Variants in ZNF521 observed in about 807,000 individuals in gnomAD.
The protein encoded by ZNF521 is LYST-interacting protein 3.
In ZNF521, 14 loss-of-function variants were observed where a neutral mutation model predicts 105.5. That is an observed-to-expected ratio of 0.13 (90% CI 0.09 to 0.21). The LOEUF is 0.21. Among genes scored for constraint, ZNF521 ranks in the 10% least tolerant of loss-of-function variants. The pLI is 1.00. For synonymous variants in ZNF521, 635 were observed against 606.0 expected (o/e 1.05, Z -0.70); for missense variants, 1,233 against 1,629.7 (o/e 0.76, Z 4.19).
chr18:25,282,454 T>A (rs1254982232), intron 3 of ZNF521, among the ~76,000 whole-genome samples: 1 of 152,018 alleles, frequency 6.6e-6, no homozygotes, highest in African/African-American at 2.4e-5. Context: ...GCACCCGGTG[T>A]CAGAATAACA....
At chr18:25,270,417 C>A (rs1449596087) in intron 3 of ZNF521, among the ~76,000 whole-genome samples, 4 of 152,174 alleles carry the variant, frequency 2.6e-5, no homozygotes, top group African/African-American at 9.7e-5. Flanking sequence ...CTCTTCCTAA[C>A]TCATTTTATG....
At chr18:25,159,396 A>G (rs2035208479) in intron 5 of ZNF521, among the ~76,000 whole-genome samples, 1 of 152,244 alleles carries the variant, frequency 6.6e-6, no homozygotes, top group Admixed American at 6.5e-5. Flanking sequence ...TGATCTAAAG[A>G]AAGACATACA....
At chr18:25,218,557 C>A (rs982180567) in intron 4 of ZNF521, among the ~76,000 whole-genome samples, 1 of 149,594 alleles carries the variant, frequency 6.7e-6, no homozygotes, top group African/African-American at 2.5e-5. Flanking sequence ...ACTCAGGAGG[C>A]TGAGCCAGGA....
chr18:25,291,914 A>G (rs574090108), intron 3 of ZNF521, among the ~76,000 whole-genome samples: 2 of 151,880 alleles, frequency 1.3e-5, no homozygotes, highest in Non-Finnish European at 2.9e-5. Flanking sequence ...GTCATTTGGA[A>G]GTTCCAATCA....
At chr18:25,149,728 A>G (rs1442114717) in intron 5 of ZNF521, among the ~76,000 whole-genome samples, 1 of 152,208 alleles carries the variant, frequency 6.6e-6, no homozygotes, top group South Asian at 2.1e-4. Flanking sequence ...CCACAGCTAA[A>G]GTGAAGCTAT....
At chr18:25,140,475 G>C (rs2034826345) in intron 5 of ZNF521, among the ~76,000 whole-genome samples, 2 of 152,192 alleles carry the variant, frequency 1.3e-5, no homozygotes, top group Non-Finnish European at 2.9e-5. Context: ...TTTGTTAAGA[G>C]TGTCGTGGGA....
At chr18:25,253,618 G>A (rs1031573548) in intron 3 of ZNF521, among the ~76,000 whole-genome samples, 3 of 152,006 alleles carry the variant, frequency 2.0e-5, no homozygotes, top group Non-Finnish European at 2.9e-5. Context: ...GAAAAGACAT[G>A]GTTCCATTTA....
chr18:25,268,988 T>C (rs1005528504), intron 3 of ZNF521, among the ~76,000 whole-genome samples: 1 of 151,420 alleles, frequency 6.6e-6, no homozygotes, highest in South Asian at 2.1e-4. Context: ...GACTAGCAAA[T>C]TGGATAAAGA....
chr18:25,174,973 C>A (rs890336404), intron 5 of ZNF521, among the ~76,000 whole-genome samples: 5 of 152,096 alleles, frequency 3.3e-5, no homozygotes, highest in African/African-American at 1.2e-4. Flanking sequence ...TTAACATGAC[C>A]AAGGTCCAGC....
intron 5 of ZNF521, among the ~76,000 whole-genome samples, chr18:25,131,628 G>A (rs1016097962): frequency 2.0e-5 from 3 of 152,094 alleles, no homozygotes; most frequent in African/African-American, 7.2e-5. Flanking sequence ...CCACTGTGTT[G>A]CATTTGTCTT....
At chr18:25,125,044 T>C (rs2034513318) in intron 5 of ZNF521, among the ~76,000 whole-genome samples, 1 of 152,164 alleles carries the variant, frequency 6.6e-6, no homozygotes, top group African/African-American at 2.4e-5. Flanking sequence ...TTAGTTGATA[T>C]TATGTGTCTA....
chr18:25,217,951 A>C (rs1215038165), intron 4 of ZNF521, among the ~76,000 whole-genome samples: 1 of 152,220 alleles, frequency 6.6e-6, no homozygotes, highest in Non-Finnish European at 1.5e-5. Flanking sequence ...GGTGGAAGAC[A>C]GTCAAGAGGA....
chr18:25,114,380 G>A (rs4800206), intron 5 of ZNF521, among the ~76,000 whole-genome samples: 38,072 of 151,964 alleles, frequency 0.25, 5,833 homozygotes, highest in Non-Finnish European at 0.34. Flanking sequence ...TTCTTTAGAG[G>A]TCAAATTGGG....
intron 3 of ZNF521, among the ~76,000 whole-genome samples, chr18:25,237,286 A>G (rs1906964876): frequency 1.3e-5 from 2 of 152,320 alleles, no homozygotes; most frequent in African/African-American, 4.8e-5. Flanking sequence ...CTCTCATTAC[A>G]AAAGTGCTAA....
chr18:25,343,458 A>G (rs1195854086), intron 2 of ZNF521, among the ~76,000 whole-genome samples: 1 of 152,222 alleles, frequency 6.6e-6, no homozygotes, highest in African/African-American at 2.4e-5. Context: ...GTGTGTCACA[A>G]TATGTTGTGA....
At chr18:25,172,030 G>A (rs578192439) in intron 5 of ZNF521, among the ~76,000 whole-genome samples, 1 of 151,834 alleles carries the variant, frequency 6.6e-6, no homozygotes, top group South Asian at 2.1e-4. Flanking sequence ...TCTCTTTTGG[G>A]GGGGAAGAGG....
intron 3 of ZNF521, among the ~76,000 whole-genome samples, chr18:25,274,889 T>C (rs74984190): frequency 0.014 from 2,079 of 152,294 alleles, 33 homozygotes; most frequent in Admixed American, 0.039. Flanking sequence ...TATTTAACTT[T>C]ATGACCATCA....
At chr18:25,121,256 CCTT>C (rs1171060187) in intron 5 of ZNF521, among the ~76,000 whole-genome samples, 81 of 147,712 alleles carry the variant, frequency 5.5e-4, no homozygotes, top group African/African-American at 1.9e-3. Context: ...CCGCGCCCAG[CCTT>C]CTTCTTCTTC....
intron 3 of ZNF521, among the ~76,000 whole-genome samples, chr18:25,306,604 A>T (rs559265894): frequency 6.6e-6 from 1 of 152,316 alleles, no homozygotes; most frequent in East Asian, 1.9e-4. Flanking sequence ...CAAGAACACT[A>T]GCCAGCCTTA....
Sources: gnomAD v4.1 joint callset for allele counts (sites outside exome capture counted in the v4.1 genomes callset) on GRCh38, gnomAD v4.1.1 for gene constraint, MANE v1.5 for transcripts, NCBI Gene and HGNC (gene_info 2026-07-23, HGNC 2026-07-21) for gene names.